The following RORB variants were observed in gnomAD, a reference collection of about 807,000 sequenced individuals.
The protein encoded by RORB is nuclear receptor ROR-beta.
A neutral mutation model predicts 59.1 loss-of-function variants in RORB; 6 were observed. The ratio of observed to expected loss-of-function variants is 0.10; its 90% CI spans 0.06 to 0.20. The LOEUF (loss-of-function observed/expected upper bound fraction) is 0.20. Ranked by LOEUF, RORB falls within the 10% of genes least tolerant of loss-of-function variation. The pLI is 1.00. For synonymous variants in RORB, 215 were observed against 204.5 expected, an observed-to-expected ratio of 1.05 and a Z score of -0.44; for missense variants, 320 against 560.5, an observed-to-expected ratio of 0.57 and a Z score of 4.33.
At chr9:74,623,954 C>A (rs1223348304) in intron 1 of RORB, among the ~76,000 whole-genome samples, 3 of 152,152 alleles carry the variant, frequency 2.0e-5, no homozygotes, top group Non-Finnish European at 2.9e-5. Context: ...TCAGTATTTT[C>A]TCTTAATGAT....
chr9:74,673,120 G>A (rs1643138335), intron 9 of RORB, among the ~76,000 whole-genome samples: 1 of 152,178 alleles, frequency 6.6e-6, no homozygotes, highest in South Asian at 2.1e-4. Flanking sequence ...AGGTGGTCAA[G>A]GACAAATCAC....
At chr9:74,618,274 T>C (rs574016262) in intron 1 of RORB, among the ~76,000 whole-genome samples, 15 of 151,078 alleles carry the variant, frequency 9.9e-5, no homozygotes, top group African/African-American at 3.6e-4. Flanking sequence ...AAGGGACAAA[T>C]AACAATACAG....
intron 1 of RORB, among the ~76,000 whole-genome samples, chr9:74,534,437 G>A (rs945374211): frequency 1.5e-4 from 23 of 152,072 alleles, no homozygotes; most frequent in Non-Finnish European, 2.8e-4. Flanking sequence ...TAATGAGTGC[G>A]TTGTCTTTAG....
rs769931981 is a variant in RORB, at chr9:74,497,862, G to C, written c.-115G>C. The stretch of plus-strand genomic sequence containing the variant: ...GCCTAAAGGGATGGTTTTCTCGGCA[G>C]AGCAGCTCTTCGCCGACCACCTTCT... On this transcript the variant is annotated 5_prime_UTR_variant, in exon 1 of 10. Transcript: ENST00000376896. 1.9e-4 allele frequency: 248 copies of C among 1,314,758 alleles called. 1 individual carries two copies. The highest frequency in any genetic ancestry group is 2.5e-4 in the Non-Finnish European group (234 of 932,470). The allele number at this position is 1,314,758 out of a possible 1,614,324, so 81.4% of individuals were successfully genotyped here. A position where few individuals can be genotyped will look rare whatever the true frequency, so the allele number is the denominator to read the frequency against.
chr9:74,550,417 A>G (rs186969365), intron 1 of RORB, among the ~76,000 whole-genome samples: 1 of 152,364 alleles, frequency 6.6e-6, no homozygotes, highest in African/African-American at 2.4e-5. Flanking sequence ...ATTCTCATTT[A>G]GCAGACCAGG....
intron 1 of RORB, among the ~76,000 whole-genome samples, chr9:74,627,873 A>C (rs936801981): frequency 6.6e-6 from 1 of 152,126 alleles, no homozygotes; most frequent in Non-Finnish European, 1.5e-5. Context: ...ATCTTTGATA[A>C]AGGAATAATA....
chr9:74,671,745 C>A, intron 8 of RORB, 44 bp from the exon 9 acceptor site: 1 of 1,258,610 alleles, frequency 7.9e-7, no homozygotes, highest in Non-Finnish European at 1.1e-6. Context: ...TGAAGCAAAA[C>A]AAAGTTGATG....
intron 1 of RORB, among the ~76,000 whole-genome samples, chr9:74,607,334 A>C (rs932824279): frequency 3.9e-5 from 6 of 152,176 alleles, no homozygotes; most frequent in East Asian, 1.9e-4. Context: ...GAGGTAGAAC[A>C]AACATCATTA....
At chr9:74,534,387 A>G (rs1209307688) in intron 1 of RORB, among the ~76,000 whole-genome samples, 1 of 152,014 alleles carries the variant, frequency 6.6e-6, no homozygotes, top group African/African-American at 2.4e-5. Flanking sequence ...ATGAACACAA[A>G]AGCAGATAAG....
At chr9:74,622,875 A>C (rs1055609987) in intron 1 of RORB, among the ~76,000 whole-genome samples, 1 of 152,108 alleles carries the variant, frequency 6.6e-6, no homozygotes, top group Non-Finnish European at 1.5e-5. Flanking sequence ...CTGCATGTCT[A>C]TCAGGCACCC....
At chr9:74,507,222 A>T (rs1055128216) in intron 1 of RORB, among the ~76,000 whole-genome samples, 1 of 152,112 alleles carries the variant, frequency 6.6e-6, no homozygotes, top group Admixed American at 6.6e-5. Flanking sequence ...TTGAAGTGTT[A>T]CATATAACTT....
At chr9:74,591,451 A>G (rs1822891776) in intron 1 of RORB, among the ~76,000 whole-genome samples, 1 of 152,218 alleles carries the variant, frequency 6.6e-6, no homozygotes, top group African/African-American at 2.4e-5. Flanking sequence ...AAAGTTACAC[A>G]CACTGTAGTT....
intron 1 of RORB, among the ~76,000 whole-genome samples, chr9:74,530,855 T>C (rs1220229661): frequency 6.6e-6 from 1 of 151,946 alleles, no homozygotes; most frequent in African/African-American, 2.4e-5. Flanking sequence ...GTGTATCTCC[T>C]AATGCTATCC....
intron 1 of RORB, among the ~76,000 whole-genome samples, chr9:74,515,087 A>C (rs1160234316): frequency 6.7e-6 from 1 of 148,678 alleles, no homozygotes; most frequent in Non-Finnish European, 1.5e-5. Context: ...CATCTGGTGT[A>C]TCTAGTGTGC....
At chr9:74,640,763 C>G (rs1426794771) in intron 3 of RORB, among the ~76,000 whole-genome samples, 1 of 152,162 alleles carries the variant, frequency 6.6e-6, no homozygotes, top group Non-Finnish European at 1.5e-5. Flanking sequence ...CCTGCACATA[C>G]CTGCCAGTGA....
At chr9:74,557,186 G>T (rs1822317687) in intron 1 of RORB, among the ~76,000 whole-genome samples, 2 of 152,044 alleles carry the variant, frequency 1.3e-5, no homozygotes, top group African/African-American at 4.8e-5. Context: ...CCTTTGCCTG[G>T]GATTGCTCTG....
chr9:74,553,004 AAAG>A (rs1398235014), intron 1 of RORB, among the ~76,000 whole-genome samples: 1 of 152,126 alleles, frequency 6.6e-6, no homozygotes, highest in East Asian at 1.9e-4. Flanking sequence ...CAAGTATCAG[AAAG>A]AAGGTCACTG....
At chr9:74,605,069 C>T (rs1823128289) in intron 1 of RORB, among the ~76,000 whole-genome samples, 1 of 152,132 alleles carries the variant, frequency 6.6e-6, no homozygotes, top group Non-Finnish European at 1.5e-5. Flanking sequence ...GATCACTGTG[C>T]ACATGTATTT....
chr9:74,567,276 C>T (rs1822483196), intron 1 of RORB, among the ~76,000 whole-genome samples: 1 of 152,190 alleles, frequency 6.6e-6, no homozygotes. Flanking sequence ...ATCCACCCGC[C>T]TTGGCCTCCC....
Sources: allele counts gnomAD v4.1 joint callset (sites outside exome capture counted in the v4.1 genomes callset), GRCh38; gene constraint gnomAD v4.1.1; transcripts MANE v1.5; gene names NCBI Gene and HGNC (gene_info 2026-07-23, HGNC 2026-07-21).